SLC9C1: variants seen among roughly 807,000 people sequenced by gnomAD.
The protein encoded by SLC9C1 is sodium/hydrogen exchanger 10.
Under a neutral mutation model 140.9 loss-of-function variants are expected in SLC9C1, and 97 were observed. The observed-to-expected ratio is 0.69, with a 90% confidence interval of 0.58 to 0.82. SLC9C1 has a LOEUF of 0.82. Ranked by LOEUF, SLC9C1 falls within the 40% of genes least tolerant of loss-of-function variation. SLC9C1 has a pLI of 0.00. For synonymous variants in SLC9C1, 440 were observed against 442.6 expected (o/e 0.99, Z 0.07); for missense variants, 1,340 against 1,389.3 (o/e 0.96, Z 0.56).
intron 27 of SLC9C1, among the ~76,000 whole-genome samples, 187 bp downstream of exon 27, chr3:112,154,810 T>C (rs555288589): frequency 6.6e-6 from 1 of 152,310 alleles, no homozygotes; most frequent in South Asian, 2.1e-4. Flanking sequence ...ATTTCTCTAA[T>C]ATTTCCCTAA....
At chr3:112,166,980 C>A (rs1203820520) in intron 26 of SLC9C1, among the ~76,000 whole-genome samples, 2 of 152,000 alleles carry the variant, frequency 1.3e-5, no homozygotes, top group Non-Finnish European at 2.9e-5. Context: ...CCCTCATTAA[C>A]CTTTTTTCAT....
chr3:112,144,792 C>A (rs1042395476), intron 28 of SLC9C1, among the ~76,000 whole-genome samples: 12 of 152,118 alleles, frequency 7.9e-5, no homozygotes, highest in African/African-American at 2.9e-4. Context: ...TACATTGATT[C>A]TGCATCCTGA....
intron 14 of SLC9C1, among the ~76,000 whole-genome samples, chr3:112,218,718 T>A (rs1489547573): frequency 6.6e-6 from 1 of 152,180 alleles, no homozygotes; most frequent in Non-Finnish European, 1.5e-5. Context: ...ACGTGGTAAG[T>A]GTTGCCACAG....
chr3:112,178,499 T>A lies in SLC9C1; in HGVS notation c.2919+1032A>T, dbSNP rs1053813087. Among the ~76,000 whole-genome samples, 4 of 152,312 alleles carry A rather than the reference T, an allele frequency of 2.6e-5. No individual in the cohort carries two copies. In the South Asian group the frequency reaches 8.3e-4, roughly 32 times the overall value. The stretch of plus-strand genomic sequence containing the variant: ...TTTGTCTACAGACTCTTCCACATTC[T>A]AAATTTAGCTGATTATTCCCTCTTG... On this transcript the variant is annotated intron_variant, in intron 23 of 28. Coordinates refer to ENST00000305815, the MANE Select transcript of SLC9C1 (RefSeq NM_183061.3).
chr3:112,196,930 G>C (rs865895167), intron 20 of SLC9C1, among the ~76,000 whole-genome samples: 1 of 149,436 alleles, frequency 6.7e-6, no homozygotes, highest in Non-Finnish European at 1.5e-5. Flanking sequence ...GGCAATACTT[G>C]CCAGTTTTTG....
chr3:112,192,598 A>G (rs1236528234), intron 20 of SLC9C1, among the ~76,000 whole-genome samples: 2 of 151,724 alleles, frequency 1.3e-5, no homozygotes, highest in African/African-American at 2.4e-5. Flanking sequence ...ATTTCAGAAG[A>G]CTTGTCTTCA....
Position 112,264,318 on chromosome 3 carries a change from C to G in SLC9C1, c.904G>C (p.Ala302Pro), listed in dbSNP as rs1047496521. 2 of 1,467,568 alleles carry G rather than the reference C, an allele frequency of 1.4e-6. No homozygotes were observed. Among genetic ancestry groups the G allele is most frequent in the African/African-American group, 1.5e-5 (1 of 67,650 alleles). The allele number at this position is 1,467,568 out of a possible 1,614,324, so 90.9% of individuals were successfully genotyped here. A position where few individuals can be genotyped will look rare whatever the true frequency, so the allele number is the denominator to read the frequency against. ...LEFWTFLSRI[A>P]FLMVFTFFGL... Reference sequence around the variant, plus strand: ...AAGAAAGTAAACACCATGAGAAAAGCAATACGTGATAGAAAAGTCCAGAAT... The same window carrying G: ...AAGAAAGTAAACACCATGAGAAAAGGAATACGTGATAGAAAAGTCCAGAAT... Residue 302 changes from alanine (A) to proline (P), a missense_variant, in exon 9 of 29, where the codon GCT (alanine) becomes CCT (proline). Physicochemically the swap from Ala to Pro is conservative, Grantham distance 27. Coordinates refer to ENST00000305815, the MANE Select transcript of SLC9C1 (RefSeq NM_183061.3).
At chr3:112,201,432 G>A (rs1278330412) in intron 18 of SLC9C1, among the ~76,000 whole-genome samples, 2 of 152,012 alleles carry the variant, frequency 1.3e-5, no homozygotes, top group Non-Finnish European at 2.9e-5. Flanking sequence ...AGGAGGTGAA[G>A]AGAGGAAGAT....
chr3:112,278,910 G>A, intron 3 of SLC9C1, 53 bp from the exon 4 acceptor site: 1 of 1,522,240 alleles, frequency 6.6e-7, no homozygotes, highest in Non-Finnish European at 8.8e-7. Flanking sequence ...TATTAGAATA[G>A]AATACATGCT....
chr3:112,177,689 C>A (rs1301807993), intron 23 of SLC9C1, among the ~76,000 whole-genome samples: 2 of 139,052 alleles, frequency 1.4e-5, no homozygotes, highest in Non-Finnish European at 3.1e-5. Context: ...TACCCCTGTA[C>A]CTAAAATAAA....
intron 10 of SLC9C1, 91 bp downstream of exon 10, chr3:112,262,833 T>C: frequency 2.6e-6 from 3 of 1,149,588 alleles, no homozygotes; most frequent in South Asian, 2.9e-5. Flanking sequence ...CCAAGTGAAG[T>C]TGAGCTACCT....
intron 19 of SLC9C1, 91 bp downstream of exon 19, chr3:112,200,620 T>G: frequency 8.3e-7 from 1 of 1,198,758 alleles, no homozygotes; most frequent in Non-Finnish European, 1.2e-6. Flanking sequence ...GTAGGTTTCC[T>G]CAAAGATTAG....
At chr3:112,289,031 T>G (rs1032176228) in intron 1 of SLC9C1, among the ~76,000 whole-genome samples, 5 of 152,134 alleles carry the variant, frequency 3.3e-5, no homozygotes, top group Admixed American at 3.3e-4. Flanking sequence ...GCTCTTCAGG[T>G]AATTTTAATT....
At chr3:112,247,029 A>G (rs143843605) in intron 10 of SLC9C1, among the ~76,000 whole-genome samples, 1 of 152,308 alleles carries the variant, frequency 6.6e-6, no homozygotes, top group African/African-American at 2.4e-5. Context: ...TTTTAAAATG[A>G]AAACATCCTG....
chr3:112,165,756 G>A (rs998795691), intron 26 of SLC9C1, among the ~76,000 whole-genome samples: 1 of 152,218 alleles, frequency 6.6e-6, no homozygotes, highest in Non-Finnish European at 1.5e-5. Context: ...ATTCTCAGAT[G>A]TCCAGCTGTG....
intron 19 of SLC9C1, among the ~76,000 whole-genome samples, chr3:112,200,165 G>T (rs1184174582): frequency 1.3e-5 from 2 of 151,994 alleles, no homozygotes; most frequent in African/African-American, 4.8e-5. Flanking sequence ...GTACTGTAGG[G>T]TTGTGACTGT....
At position 112,160,732 on chromosome 3, in the gene SLC9C1, G is replaced by A. The variant is rs376566740; in HGVS notation, c.3365-5683C>T. ...GTGAATAATGCCGCAATAAACATAC[G>A]TGTGCATGTGTCTTTATAGTAGCAT... On this transcript the variant is annotated intron_variant, in intron 26 of 28. Transcript: ENST00000305815. 1.2e-4 allele frequency among the ~76,000 whole-genome samples: 18 copies of A among 150,966 alleles called. No individual in the cohort carries two copies. The South Asian group carries it at 2.8e-3, about 23-fold the overall frequency.
chr3:112,286,729 T>C lies in SLC9C1; in HGVS notation c.63A>G (p.Thr21=), dbSNP rs1270707064. ...STEDLPEVIL[T]LSLISSIGAF... ...CTCCAATGGAGCTGATCAAAGACAA[T>C]GTTAGAATGACTTCAGGGAGGTCCT... Residue 21 remains threonine, a synonymous_variant, in exon 2 of 29, where the codon ACA becomes ACG. Coordinates refer to ENST00000305815, the MANE Select transcript of SLC9C1 (RefSeq NM_183061.3). 5 of 1,612,974 alleles carry C rather than the reference T, an allele frequency of 3.1e-6. No individual in the cohort carries two copies. The South Asian group carries it at 3.3e-5, about 11-fold the overall frequency.
At chr3:112,197,266 T>TA (rs1017791145) in intron 20 of SLC9C1, among the ~76,000 whole-genome samples, 42 of 152,200 alleles carry the variant, frequency 2.8e-4, no homozygotes, top group African/African-American at 9.4e-4. Context: ...ATAAAGAGGT[T>TA]AAAAAAAGTG....
Sources: allele counts gnomAD v4.1 joint callset (sites outside exome capture counted in the v4.1 genomes callset), GRCh38; gene constraint gnomAD v4.1.1; transcripts MANE v1.5; gene names NCBI Gene and HGNC (gene_info 2026-07-23, HGNC 2026-07-21).